Variants in FAHD2B observed in about 807,000 individuals in gnomAD.
FAHD2B encodes the protein fumarylacetoacetate hydrolase domain containing 2B.
Under a neutral mutation model 33.7 loss-of-function variants are expected in FAHD2B, and 26 were observed. That is an observed-to-expected ratio of 0.77 (90% confidence interval 0.57 to 1.07). The LOEUF is 1.07. Among genes scored for constraint, FAHD2B ranks in the 50% least tolerant of loss-of-function variants. The pLI is 0.00. For missense variants in FAHD2B, 272 were observed against 388.1 expected (o/e 0.70, Z 2.51); for synonymous variants, 108 against 150.9 (o/e 0.72, Z 2.08).
Position 97,084,351 on chromosome 2 carries a change from T to C in FAHD2B, c.686-74A>G. 12 of 1,565,636 alleles carry C rather than the reference T, an allele frequency of 7.7e-6. 1 individual carries two copies. The South Asian group carries it at 1.4e-4, about 18-fold the overall frequency. ...CCCCCCAGTGTTTTACAAACACAAC[T>C]GTAGGGGCGCTTCGTGACTTGGCAG... On this transcript the variant is annotated intron_variant, in intron 6 of 8. Coordinates refer to ENST00000414820, the MANE Select transcript of FAHD2B (RefSeq NM_001320848.2).
intron 7 of FAHD2B, 49 bp downstream of exon 7, chr2:97,084,120 C>T (rs1559134402): frequency 6.2e-7 from 1 of 1,613,432 alleles, no homozygotes; most frequent in South Asian, 1.1e-5. Context: ...TCAGCCTCCA[C>T]ATGTGTGGCA....
downstream of FAHD2B, chr2:97,080,983 G>A (rs2031621821): frequency 1.1e-6 from 1 of 912,174 alleles, no homozygotes; most frequent in Non-Finnish European, 1.5e-6. Context: ...AAGAAGCTTT[G>A]GGGGCTGGGC....
At chr2:97,089,314 A>C (rs1435125690) in intron 4 of FAHD2B, among the ~76,000 whole-genome samples, 1 of 151,656 alleles carries the variant, frequency 6.6e-6, no homozygotes. Flanking sequence ...AGGCCAAGAG[A>C]CTGAGACCAT....
At chr2:97,085,659 T>C in intron 6 of FAHD2B, 40 bp downstream of exon 6, 1 of 1,611,598 alleles carries the variant, frequency 6.2e-7, no homozygotes, top group South Asian at 1.1e-5. Context: ...TGTTCATCTG[T>C]GCAATGGTAG....
At chr2:97,088,342 G>T (rs1348522112) in intron 4 of FAHD2B, among the ~76,000 whole-genome samples, 1 of 152,044 alleles carries the variant, frequency 6.6e-6, no homozygotes, top group Non-Finnish European at 1.5e-5. Flanking sequence ...CTATGGGAGG[G>T]ACCCGGTGGG....
At chr2:97,089,543 AATAAT>A (rs930194889) in intron 4 of FAHD2B, among the ~76,000 whole-genome samples, 1 of 150,174 alleles carries the variant, frequency 6.7e-6, no homozygotes, top group African/African-American at 2.4e-5. Flanking sequence ...AAAAGGAAAT[AATAAT>A]ATATTAATGG....
chr2:97,081,417 A>C (rs2031640136), downstream of FAHD2B: 4 of 1,551,824 alleles, frequency 2.6e-6, no homozygotes, highest in Admixed American at 3.9e-5. Context: ...CTGAGGCCAC[A>C]TGGGTGCCTT....
At chr2:97,094,178 C>T (rs192505657) in intron 1 of FAHD2B, among the ~76,000 whole-genome samples, 15 of 152,060 alleles carry the variant, frequency 9.9e-5, no homozygotes, top group Admixed American at 2.6e-4. Flanking sequence ...GCCTCAGGGA[C>T]GAGGCTGGTT....
downstream of FAHD2B, among the ~76,000 whole-genome samples, chr2:97,080,655 T>C (rs187063882): frequency 2.6e-3 from 394 of 152,248 alleles, 16 homozygotes; most frequent in East Asian, 0.048. Flanking sequence ...GGGAATAGCA[T>C]TGGATCAATA....
At chr2:97,079,644 T>TTTTTA (rs1263606722), downstream of FAHD2B, among the ~76,000 whole-genome samples, 94 of 150,324 alleles carry the variant, frequency 6.3e-4, 5 homozygotes, top group Admixed American at 9.2e-4. Context: ...TTAAATTTCT[T>TTTTTA]TTTTATTTTA....
chr2:97,091,410 G>A (rs1160558503), intron 3 of FAHD2B, 52 bp downstream of exon 3: 142 of 1,507,560 alleles, frequency 9.4e-5, no homozygotes, highest in East Asian at 2.9e-4. Flanking sequence ...AGCGGGGAGG[G>A]TGCAGGGGGA....
chr2:97,088,245 C>T (rs1048952131), intron 4 of FAHD2B, among the ~76,000 whole-genome samples: 10 of 152,038 alleles, frequency 6.6e-5, no homozygotes, highest in African/African-American at 1.4e-4. Flanking sequence ...ACACTCAAAG[C>T]GTAATATTTA....
intron 4 of FAHD2B, chr2:97,086,584 A>G (rs2032004536): frequency 5.7e-6 from 1 of 174,850 alleles, no homozygotes; most frequent in African/African-American, 2.4e-5. Flanking sequence ...CTATTAACTC[A>G]CTTTAGTAAG....
chr2:97,081,535 A>G, downstream of FAHD2B: 1 of 1,548,094 alleles, frequency 6.5e-7, no homozygotes, highest in Non-Finnish European at 8.7e-7. Flanking sequence ...GCAGTTGGAG[A>G]CAAGATCCTT....
At chr2:97,082,100 G>T, downstream of FAHD2B, 1 of 1,583,368 alleles carries the variant, frequency 6.3e-7, no homozygotes, top group South Asian at 1.1e-5. Flanking sequence ...GAGACCGAGG[G>T]CCAGTACTCC....
chr2:97,082,415 C>A (rs1429407798), downstream of FAHD2B: 8 of 1,613,716 alleles, frequency 5.0e-6, no homozygotes, highest in East Asian at 2.2e-5. Context: ...GCTACACAGA[C>A]CAGCTGTTCC....
At chr2:97,083,109 T>G, downstream of FAHD2B, 1 of 1,529,098 alleles carries the variant, frequency 6.5e-7, no homozygotes, top group Non-Finnish European at 8.8e-7. Flanking sequence ...GTCCCTGTGG[T>G]GAGCGCACTC....
downstream of FAHD2B, chr2:97,082,665 C>G (rs553464567): frequency 6.4e-7 from 1 of 1,564,420 alleles, no homozygotes; most frequent in Non-Finnish European, 8.8e-7. Context: ...GCTCCCTGTC[C>G]TCCCTACCTA....
chr2:97,083,080 C>T (rs1274763535), downstream of FAHD2B: 1 of 1,469,648 alleles, frequency 6.8e-7, no homozygotes, highest in Non-Finnish European at 9.0e-7. Context: ...AGGCCTGGCC[C>T]CTGAGCCATG....
Sources: allele counts gnomAD v4.1 joint callset (sites outside exome capture counted in the v4.1 genomes callset), GRCh38; gene constraint gnomAD v4.1.1; transcripts MANE v1.5; gene names NCBI Gene and HGNC (gene_info 2026-07-23, HGNC 2026-07-21).